The following TLK1 variants were observed in gnomAD, a reference collection of about 807,000 sequenced individuals.
TLK1 encodes the protein tousled like kinase 1.
A neutral mutation model predicts 105.3 loss-of-function variants in TLK1; 24 were observed. That is an observed-to-expected ratio of 0.23 (90% CI 0.17 to 0.32). The LOEUF (loss-of-function observed/expected upper bound fraction) is 0.32. Ranked by LOEUF, TLK1 falls within the 10% of genes least tolerant of loss-of-function variation. TLK1 has a pLI of 1.00. For synonymous variants in TLK1, 321 were observed against 310.4 expected, an observed-to-expected ratio of 1.03 and a Z score of -0.36; for missense variants, 558 against 910.5, an observed-to-expected ratio of 0.61 and a Z score of 4.98.
intron 1 of TLK1, among the ~76,000 whole-genome samples, chr2:171,135,309 GTGTGTGTGTGTATATATATATA>G (rs1691264591): frequency 9.6e-6 from 1 of 103,744 alleles, no homozygotes; most frequent in African/African-American, 5.2e-5. Context: ...GTGTTTGTGT[GTGTGTGTGTGTATATATATATA>G]TATATATATA....
chr2:171,060,006 AG>A, intron 4 of TLK1: 1 of 1,612,086 alleles, frequency 6.2e-7, no homozygotes, highest in Non-Finnish European at 8.5e-7. Context: ...ATGAGAGGAG[AG>A]GTCTGCTTTG....
chr2:171,090,385 T>C (rs955881238), intron 2 of TLK1, among the ~76,000 whole-genome samples: 1 of 152,184 alleles, frequency 6.6e-6, no homozygotes, highest in East Asian at 1.9e-4. Flanking sequence ...TTAGATTCCT[T>C]GTGATTTTTC....
At position 171,086,502 on chromosome 2, in the gene TLK1, T is replaced by C. The variant is rs180712040; in HGVS notation, c.259-3650A>G. ...ACAGCCAGGCGTCATGGCGCATGCC[T>C]GTAATCCCAGCTACTAGAGAGTCTG... is the stretch of plus-strand genomic sequence containing the variant. On this transcript the variant is annotated intron_variant, in intron 2 of 20. Transcript: ENST00000431350. Among the ~76,000 whole-genome samples, 129 of 152,232 alleles carry C rather than the reference T, an allele frequency of 8.5e-4. 1 individual carries two copies. Among genetic ancestry groups the C allele is most frequent in the Admixed American group, 2.2e-3 (34 of 15,290 alleles).
intron 1 of TLK1, among the ~76,000 whole-genome samples, chr2:171,170,591 C>T (rs925576108): frequency 6.6e-6 from 1 of 152,222 alleles, no homozygotes. Flanking sequence ...CACACTCTGT[C>T]TTCTCCTCTG....
At chr2:171,019,321 A>G (rs1205407908) in intron 12 of TLK1, among the ~76,000 whole-genome samples, 2 of 152,338 alleles carry the variant, frequency 1.3e-5, no homozygotes, top group African/African-American at 4.8e-5. Flanking sequence ...TAAAAATGAT[A>G]GGTGGTTCCC....
chr2:171,129,675 C>CA (rs1182642966), intron 1 of TLK1, among the ~76,000 whole-genome samples: 4 of 151,888 alleles, frequency 2.6e-5, no homozygotes, highest in South Asian at 4.2e-4. Context: ...CCCATCTCTA[C>CA]AAAAAAATTT....
intron 1 of TLK1, among the ~76,000 whole-genome samples, chr2:171,119,806 A>C (rs186694573): frequency 6.6e-6 from 1 of 152,342 alleles, no homozygotes; most frequent in East Asian, 1.9e-4. Flanking sequence ...CTTTAACCAT[A>C]TAAAAAAATT....
At position 171,160,858 on chromosome 2, in the gene TLK1, TG is replaced by T; in HGVS notation, c.-431del. 1 of 304,616 alleles carries T rather than the reference TG, an allele frequency of 3.3e-6. No homozygotes were observed. Among genetic ancestry groups the T allele is most frequent in the Non-Finnish European group, 5.9e-6 (1 of 170,848 alleles). 18.9% of individuals were successfully genotyped at this position (304,616 alleles called of 1,614,324 possible). A position where few individuals can be genotyped will look rare whatever the true frequency, so the allele number is the denominator to read the frequency against. The stretch of plus-strand genomic sequence containing the variant: ...CGCCCGGGAGGCGGCGGCGGCGGGC[TG>T]TGGGTGGCGGCTGAGGCGGTGGGGT... On this transcript the variant is annotated 5_prime_UTR_variant, in exon 1 of 21. Transcript: ENST00000431350. The surrounding 1 kb of genome is among the most constrained non-coding windows in gnomAD (Gnocchi z 4.4).
At chr2:171,022,948 C>G (rs1685596276) in intron 12 of TLK1, 1 of 397,936 alleles carries the variant, frequency 2.5e-6, no homozygotes. Context: ...CAACTAGTTG[C>G]ATGGTCCACT....
At chr2:171,051,305 T>C (rs1687225967) in intron 8 of TLK1, among the ~76,000 whole-genome samples, 2 of 152,106 alleles carry the variant, frequency 1.3e-5, no homozygotes, top group South Asian at 2.1e-4. Flanking sequence ...TCCTTAATAA[T>C]GGAAATTCAA....
intron 2 of TLK1, among the ~76,000 whole-genome samples, chr2:171,098,502 C>T (rs1319557967): frequency 1.3e-5 from 2 of 152,032 alleles, no homozygotes; most frequent in East Asian, 1.9e-4. Flanking sequence ...TATCTACCCT[C>T]GAAGAAAAGC....
chr2:171,161,296 G>A (rs371042278), upstream of TLK1, among the ~76,000 whole-genome samples: 22 of 152,084 alleles, frequency 1.4e-4, no homozygotes, highest in East Asian at 2.9e-3. Context: ...CCAACACGGG[G>A]AGAAATGCTG....
intron 1 of TLK1, among the ~76,000 whole-genome samples, chr2:171,132,092 AC>A (rs1691126466): frequency 6.6e-6 from 1 of 152,132 alleles, no homozygotes; most frequent in South Asian, 2.1e-4. Flanking sequence ...AATACCTGAG[AC>A]TGGGTAATTA....
rs554872425 is a variant in TLK1, at chr2:171,108,138, A to G, written c.258+9601T>C. ...GCAATACCAGAGAGACACAGTAAAG[A>G]TGTACATGAACACAAATTAAGCAAA... On this transcript the variant is annotated intron_variant, in intron 2 of 20. Coordinates refer to ENST00000431350, the MANE Select transcript of TLK1 (RefSeq NM_012290.5). Among the ~76,000 whole-genome samples, 7 of 152,176 alleles carry G rather than the reference A, an allele frequency of 4.6e-5. No individual in the cohort carries two copies. The South Asian group carries it at 1.4e-3, about 32-fold the overall frequency.
intron 1 of TLK1, among the ~76,000 whole-genome samples, chr2:171,138,605 C>A (rs1311650732): frequency 6.6e-6 from 1 of 152,076 alleles, no homozygotes; most frequent in East Asian, 1.9e-4. Flanking sequence ...TAAGCCTTGG[C>A]AGTAATGAGC....
intron 11 of TLK1, among the ~76,000 whole-genome samples, chr2:171,036,192 C>T (rs1309619361): frequency 2.0e-5 from 3 of 152,204 alleles, no homozygotes; most frequent in Non-Finnish European, 4.4e-5. Context: ...CGCCTGCAAT[C>T]CCAGCACTTT....
chr2:171,002,618 C>T (rs1684436707), intron 18 of TLK1, among the ~76,000 whole-genome samples: 1 of 151,840 alleles, frequency 6.6e-6, no homozygotes, highest in African/African-American at 2.4e-5. Context: ...ATCATGCGCC[C>T]AGAAAGCTGC....
intron 1 of TLK1, among the ~76,000 whole-genome samples, chr2:171,166,011 T>G (rs1692602929): frequency 6.6e-6 from 1 of 151,818 alleles, no homozygotes; most frequent in East Asian, 1.9e-4. Context: ...GGGAGAAGAT[T>G]ATGTACATGG....
At chr2:171,051,732 T>C (rs974619439) in intron 8 of TLK1, among the ~76,000 whole-genome samples, 2 of 152,006 alleles carry the variant, frequency 1.3e-5, no homozygotes, top group African/African-American at 2.4e-5. Context: ...TTATCAACAA[T>C]GATAAAAAGA....
Sources: gnomAD v4.1 joint callset for allele counts (sites outside exome capture counted in the v4.1 genomes callset) on GRCh38, gnomAD v4.1.1 for gene constraint, Gnocchi (gnomAD v3.1) non-coding constraint, MANE v1.5 for transcripts, NCBI Gene and HGNC (gene_info 2026-07-23, HGNC 2026-07-21) for gene names.